CACTIN: variants seen among roughly 807,000 people sequenced by gnomAD.
CACTIN encodes cactin, spliceosome C complex subunit.
A neutral mutation model predicts 84.9 loss-of-function variants in CACTIN; 20 were observed. The observed-to-expected ratio is 0.24, with a 90% CI of 0.17 to 0.34. The LOEUF is 0.34. CACTIN is among the 10% of genes least tolerant of loss of function. The pLI, the probability that CACTIN is intolerant of heterozygous loss-of-function variation, is 1.00. For missense variants in CACTIN, 897 were observed against 1,117.2 expected (o/e 0.80, Z 2.81); for synonymous variants, 549 against 467.9 (o/e 1.17, Z -2.24).
At position 3,624,097 on chromosome 19, in the gene CACTIN, T is replaced by C. The variant is rs183659721; in HGVS notation, c.233A>G (p.Lys78Arg). The change falls in exon 2 of 10, where the codon AAG (lysine) becomes AGG (arginine). Residue 78 changes from lysine (K) to arginine (R), a missense_variant. Coordinates refer to ENST00000429344, the MANE Select transcript of CACTIN (RefSeq NM_001080543.2). ...GMRSRSPPRP[K>R]WHSRDGSSQS... ...AGAGGACCCATCTCTTGAGTGCCACTTGGGCCGCGGGGGGCTCCGGCTTCG... is the reference window on the plus strand; with the variant it reads ...AGAGGACCCATCTCTTGAGTGCCACCTGGGCCGCGGGGGGCTCCGGCTTCG... The C allele has an allele frequency of 3.7e-4, 582 of 1,593,166 alleles. 3 individuals are homozygous for C. The African/African-American group carries it at 6.9e-3, about 19-fold the overall frequency.
intron 7 of CACTIN, chr19:3,613,843 A>G (rs1197461318): frequency 9.2e-6 from 5 of 540,752 alleles, no homozygotes; most frequent in Non-Finnish European, 1.6e-5. Context: ...CTGCAGTCTC[A>G]GTGTCTTGTG....
At chr19:3,626,331 A>C (rs1300799902) in intron 1 of CACTIN, among the ~76,000 whole-genome samples, 1 of 152,204 alleles carries the variant, frequency 6.6e-6, no homozygotes. Context: ...TCGATATGAT[A>C]TGATCTGATC....
In CACTIN at chr19:3,624,067, G is replaced by A. The variant is rs770861559; in HGVS notation, c.263C>T (p.Ser88Leu). Residue 88 changes from serine (S) to leucine (L), a missense_variant, in exon 2 of 10, where the codon TCG becomes TTG. Ser to Leu is a moderately radical substitution (Grantham distance 145). Around this residue, in one of 8 missense-constraint regions of CACTIN, gnomAD observed 261 missense variants for 243.8 expected, o/e 1.07. Transcript: ENST00000429344. ...KWHSRDGSSQ[S>L]DSGEEQSRGQ... ...CCGTGACTGCTCCTCTCCTGAGTCC[G>A]ACTGAGAGGACCCATCTCTTGAGTG... 1.4e-5 allele frequency: 22 copies of A among 1,602,954 alleles called. No homozygotes were observed. Among genetic ancestry groups the A allele is most frequent in the Middle Eastern group, 1.6e-4 (1 of 6,076 alleles).
rs780138534 is a variant in CACTIN, at chr19:3,619,109, C to T, written c.1018G>A (p.Asp340Asn). ...ATATCCTCCAGCAGGTCCTCCATGT[C>T]GGCCACGGTGAGGCCGTTGAGGAAC... ...YTFLNGLTVA[D>N]MEDLLEDIQV... Residue 340 changes from aspartate (D) to asparagine (N), a missense_variant, in exon 5 of 10, where the codon GAC (aspartate) becomes AAC (asparagine). Coordinates refer to ENST00000429344, the MANE Select transcript of CACTIN (RefSeq NM_001080543.2). The T allele has an allele frequency of 2.5e-6, 4 of 1,576,752 alleles. No homozygotes were observed. The highest frequency in any genetic ancestry group is 2.3e-5 in the South Asian group (2 of 86,220).
chr19:3,611,438 G>A lies in CACTIN; in HGVS notation c.*485C>T, dbSNP rs2032947656. The A allele has an allele frequency of 9.8e-6, 4 of 409,108 alleles. No homozygotes were observed. Among genetic ancestry groups the A allele is most frequent in the Non-Finnish European group, 1.9e-5 (4 of 212,186 alleles). 25.3% of individuals were successfully genotyped at this position (409,108 alleles called of 1,614,324 possible). A position where few individuals can be genotyped will look rare whatever the true frequency, so the allele number is the denominator to read the frequency against. Reference sequence around the variant, plus strand: ...CCGCGGGCTCTGCCTCACGCCCAGTGGGTGCCCCGTGATGTGGCAGGGCTG... The same window carrying A: ...CCGCGGGCTCTGCCTCACGCCCAGTAGGTGCCCCGTGATGTGGCAGGGCTG... On this transcript the variant is annotated 3_prime_UTR_variant, in exon 10 of 10. Coordinates refer to ENST00000429344, the MANE Select transcript of CACTIN (RefSeq NM_001080543.2).
At position 3,626,526 on chromosome 19, in the gene CACTIN, C is replaced by G. The variant is rs551758644; in HGVS notation, c.167+70G>C. On this transcript the variant is annotated intron_variant, in intron 1 of 9. Coordinates refer to ENST00000429344, the MANE Select transcript of CACTIN (RefSeq NM_001080543.2). ...CGGGGGTTTCCCGGTTCCCCGGGAT[C>G]TCCAACCCTCGGTCGGGCGCTCCTG... is the stretch of plus-strand genomic sequence containing the variant. 5.5e-6 allele frequency: 7 copies of G among 1,273,390 alleles called. No individual in the cohort carries two copies. In the African/African-American group the frequency reaches 9.3e-5, roughly 17 times the overall value. 78.9% of individuals were successfully genotyped at this position (1,273,390 alleles called of 1,614,324 possible). A position where few individuals can be genotyped will look rare whatever the true frequency, so the allele number is the denominator to read the frequency against.
At chr19:3,613,846 GTCTTGTGGCTGGGGCT>G (rs1247491530) in intron 7 of CACTIN, 69 of 538,312 alleles carry the variant, frequency 1.3e-4, no homozygotes, top group Admixed American at 2.1e-4. Context: ...CAGTCTCAGT[GTCTTGTGGCTGGGGCT>G]GGCCAGGAGA....
Position 3,626,789 on chromosome 19 carries a change from A to C in CACTIN, c.-27T>G. On this transcript the variant is annotated 5_prime_UTR_variant, in exon 1 of 10. Coordinates refer to ENST00000429344, the MANE Select transcript of CACTIN (RefSeq NM_001080543.2). ...GGCTGGGCCAGTGGCCGCGGCACCAACACCAATAGCCGAAGCCTGCGCTGG... is the reference window on the plus strand; with the variant it reads ...GGCTGGGCCAGTGGCCGCGGCACCACCACCAATAGCCGAAGCCTGCGCTGG... The C allele has an allele frequency of 7.4e-7, 1 of 1,351,592 alleles. No individual in the cohort carries two copies. The highest frequency in any genetic ancestry group is 1.8e-5 in the South Asian group (1 of 57,036). The allele number at this position is 1,351,592 out of a possible 1,614,324, so 83.7% of individuals were successfully genotyped here.
At chr19:3,622,384 A>AAG (rs2033242809) in intron 2 of CACTIN, among the ~76,000 whole-genome samples, 5 of 150,844 alleles carry the variant, frequency 3.3e-5, no homozygotes. Context: ...AAAAAAAAAA[A>AAG]GTGATGAGGT....
At chr19:3,616,926 A>G (rs2033117379) in intron 6 of CACTIN, among the ~76,000 whole-genome samples, 1 of 151,430 alleles carries the variant, frequency 6.6e-6, no homozygotes, top group Non-Finnish European at 1.5e-5. Context: ...GATTGAGACC[A>G]TCCTGGCCAA....
At chr19:3,617,233 C>T (rs768529241) in intron 6 of CACTIN, among the ~76,000 whole-genome samples, 15 of 152,218 alleles carry the variant, frequency 9.9e-5, no homozygotes, top group East Asian at 1.9e-4. Flanking sequence ...GAGCCTTGAT[C>T]GCGCCACTCA....
In CACTIN at chr19:3,619,071, G is replaced by T. The variant is rs1219623551; in HGVS notation, c.1047+9C>A. 4 of 1,553,110 alleles carry T rather than the reference G, an allele frequency of 2.6e-6. No individual in the cohort carries two copies. The highest frequency in any genetic ancestry group is 2.6e-6 in the Non-Finnish European group (3 of 1,148,002). On this transcript the variant is annotated intron_variant, in intron 5 of 9. Coordinates refer to ENST00000429344, the MANE Select transcript of CACTIN (RefSeq NM_001080543.2). The stretch of plus-strand genomic sequence containing the variant: ...GCAGGTCAGAGGAGCATCGGGTGGG[G>T]CTGGGTACCTGGATATCCTCCAGCA...
intron 9 of CACTIN, 138 bp downstream of exon 9, chr19:3,612,920 C>A (rs550344242): frequency 4.6e-6 from 5 of 1,094,452 alleles, no homozygotes; most frequent in African/African-American, 1.5e-5. Context: ...ACGGAATGCA[C>A]GCTCAGAGAC....
Position 3,623,820 on chromosome 19 carries a change from C to T in CACTIN, c.510G>A (p.Arg170=), listed in dbSNP as rs775333735. The change falls in exon 2 of 10, where the codon CGG becomes CGA. Residue 170 remains arginine (R), a synonymous_variant. Coordinates refer to ENST00000429344, the MANE Select transcript of CACTIN (RefSeq NM_001080543.2). ...GCTCCTTGGCCTCCTTCTTGGCCAG[C>T]CGCCGTGCGCGCTTCTCCTCGGGCG... The part of the protein sequence containing the change: ...FETPEEKRAR[R]LAKKEAKERK... The T allele has an allele frequency of 4.3e-6, 7 of 1,613,314 alleles. No homozygotes were observed. The highest frequency in any genetic ancestry group is 5.9e-6 in the Non-Finnish European group (7 of 1,179,874).
intron 1 of CACTIN, among the ~76,000 whole-genome samples, chr19:3,626,328 G>T (rs977867782): frequency 6.6e-6 from 1 of 152,228 alleles, no homozygotes; most frequent in East Asian, 1.9e-4. Flanking sequence ...GGCTCGATAT[G>T]ATATGATCTG....
Position 3,626,766 on chromosome 19 carries a change from C to G in CACTIN, c.-4G>C, listed in dbSNP as rs759287939. ...GCGAGCGTGTGTCCCGACCCATCGG[C>G]TGGGCCAGTGGCCGCGGCACCAACA... On this transcript the variant is annotated 5_prime_UTR_variant, in exon 1 of 10. Coordinates refer to ENST00000429344, the MANE Select transcript of CACTIN (RefSeq NM_001080543.2). 1 of 1,396,542 alleles carries G rather than the reference C, an allele frequency of 7.2e-7. No individual in the cohort carries two copies. The highest frequency in any genetic ancestry group is 1.5e-5 in the African/African-American group (1 of 66,606). 86.5% of individuals were successfully genotyped at this position (1,396,542 alleles called of 1,614,324 possible). A position where few individuals can be genotyped will look rare whatever the true frequency, so the allele number is the denominator to read the frequency against.
chr19:3,617,568 C>T (rs946087787), intron 6 of CACTIN, among the ~76,000 whole-genome samples: 1 of 152,182 alleles, frequency 6.6e-6, no homozygotes, highest in South Asian at 2.1e-4. Context: ...ACGCTGGAAA[C>T]GCCTCCCAGG....
Position 3,612,002 on chromosome 19 carries a change from C to A in CACTIN, c.2198G>T (p.Arg733Leu), listed in dbSNP as rs1451053631. 2 of 1,613,640 alleles carry A rather than the reference C, an allele frequency of 1.2e-6. No individual in the cohort carries two copies. The highest frequency in any genetic ancestry group is 8.5e-7 in the Non-Finnish European group (1 of 1,179,894). The change falls in exon 10 of 10, where the codon CGC becomes CTC. Residue 733 changes from arginine to leucine, a missense_variant. Arg to Leu is a moderately radical substitution (Grantham distance 102). Transcript: ENST00000429344. ...IVNREWEYSH[R>L]HGFRCQFANG... ...GGCAAACTGGCAGCGGAAGCCGTGG[C>A]GGTGCGAGTATTCCCACTCGCGGTT...
chr19:3,625,768 T>G (rs918706509), intron 1 of CACTIN, among the ~76,000 whole-genome samples: 5 of 152,196 alleles, frequency 3.3e-5, no homozygotes, highest in African/African-American at 1.2e-4. Flanking sequence ...ATGAGTGAAC[T>G]TGGCCCAGAG....
Sources: allele counts gnomAD v4.1 joint callset (sites outside exome capture counted in the v4.1 genomes callset), GRCh38; gene constraint gnomAD v4.1.1; regional missense constraint gnomAD v4.1.1; transcripts MANE v1.5; gene names NCBI Gene and HGNC (gene_info 2026-07-23, HGNC 2026-07-21).